The following SCHIP1 variants were observed in gnomAD, a reference collection of about 807,000 sequenced individuals.
SCHIP1 encodes schwannomin interacting protein 1, also known as schwannomin-interacting protein 1.
A neutral mutation model predicts 29.7 loss-of-function variants in SCHIP1; 8 were observed. That is an observed-to-expected ratio of 0.27 (90% CI 0.16 to 0.49). SCHIP1 has a LOEUF of 0.49. SCHIP1 is among the 20% of genes least tolerant of loss of function. The probability of loss-of-function intolerance (pLI) is 0.99; values close to 1 mark genes in which losing one functional copy is unlikely to be tolerated. For missense variants in SCHIP1, 193 were observed against 294.6 expected (o/e 0.66, Z 2.52); for synonymous variants, 76 against 94.9 (o/e 0.80, Z 1.16).
chr3:159,283,364 G>T, the SCHIP1 span, among the ~76,000 whole-genome samples: 1 of 152,098 alleles, frequency 6.6e-6, no homozygotes, highest in African/African-American at 2.4e-5. Context: ...TGTTGGCCAG[G>T]CTGGTCTCGA....
chr3:159,757,851 C>T, the SCHIP1 span, among the ~76,000 whole-genome samples: 9 of 152,158 alleles, frequency 5.9e-5, no homozygotes, highest in African/African-American at 1.9e-4. Flanking sequence ...TATTTTCTGA[C>T]GTTATAAGGT....
chr3:159,510,695 C>A, the SCHIP1 span, among the ~76,000 whole-genome samples: 126 of 152,306 alleles, frequency 8.3e-4, no homozygotes, highest in African/African-American at 2.7e-3. Flanking sequence ...CAGTCAGGAC[C>A]CTCAGCTGCA....
chr3:159,875,964 T>G (rs1004290083), intron 2 of SCHIP1, among the ~76,000 whole-genome samples: 2 of 152,104 alleles, frequency 1.3e-5, no homozygotes, highest in African/African-American at 4.8e-5. Context: ...TGAAAGAGAT[T>G]TCTGATGAGA....
chr3:159,828,418 C>CGT, the SCHIP1 span, among the ~76,000 whole-genome samples: 1 of 46,592 alleles, frequency 2.1e-5, no homozygotes, highest in South Asian at 6.9e-4. Context: ...CGTATATATA[C>CGT]GTATATATAT....
the SCHIP1 span, among the ~76,000 whole-genome samples, chr3:159,474,407 G>C: frequency 6.6e-6 from 1 of 152,072 alleles, no homozygotes; most frequent in Non-Finnish European, 1.5e-5. Context: ...TTCTAAAATG[G>C]TGTGCCAAAA....
chr3:159,385,532 G>A, the SCHIP1 span, among the ~76,000 whole-genome samples: 2 of 151,058 alleles, frequency 1.3e-5, no homozygotes, highest in Non-Finnish European at 2.9e-5. Context: ...ACTTCAGCCT[G>A]GGAGATAGAT....
chr3:159,384,927 T>C, the SCHIP1 span, among the ~76,000 whole-genome samples: 1 of 152,166 alleles, frequency 6.6e-6, no homozygotes, highest in African/African-American at 2.4e-5. Flanking sequence ...CTGATGGTAG[T>C]TTTTGTATTT....
At chr3:159,634,660 C>T in the SCHIP1 span, among the ~76,000 whole-genome samples, 1 of 152,180 alleles carries the variant, frequency 6.6e-6, no homozygotes. Context: ...CTGTGTGTGG[C>T]TGATGGGAAT....
At chr3:159,288,511 G>T in the SCHIP1 span, among the ~76,000 whole-genome samples, 1 of 152,144 alleles carries the variant, frequency 6.6e-6, no homozygotes, top group African/African-American at 2.4e-5. Flanking sequence ...GCCGGGGCGG[G>T]CGGATCATCT....
At chr3:159,740,771 GAA>G in the SCHIP1 span, among the ~76,000 whole-genome samples, 8 of 104,882 alleles carry the variant, frequency 7.6e-5, no homozygotes, top group African/African-American at 2.2e-4. Flanking sequence ...CAAAAAAAAA[GAA>G]AAAAAAAAAA....
chr3:159,517,288 G>A, the SCHIP1 span, among the ~76,000 whole-genome samples: 1 of 152,124 alleles, frequency 6.6e-6, no homozygotes, highest in Non-Finnish European at 1.5e-5. Context: ...AAAAGAGTTG[G>A]CAAACTTAAA....
chr3:159,398,316 A>G, the SCHIP1 span, among the ~76,000 whole-genome samples: 4,108 of 152,186 alleles, frequency 0.027, 71 homozygotes, highest in East Asian at 0.11. Context: ...GCTGTAGGCC[A>G]GAGCTGTTCC....
the SCHIP1 span, among the ~76,000 whole-genome samples, chr3:159,568,933 G>C: frequency 6.6e-6 from 1 of 152,102 alleles, no homozygotes; most frequent in Non-Finnish European, 1.5e-5. Flanking sequence ...TCTTTCTAGT[G>C]AAGTGAGACT....
chr3:159,479,138 A>T, the SCHIP1 span, among the ~76,000 whole-genome samples: 6 of 152,190 alleles, frequency 3.9e-5, no homozygotes, highest in African/African-American at 1.2e-4. Flanking sequence ...GAAAAATAGA[A>T]TGCCAAATTT....
At chr3:159,844,941 C>G (rs1711576597) in intron 1 of SCHIP1, among the ~76,000 whole-genome samples, 1 of 152,196 alleles carries the variant, frequency 6.6e-6, no homozygotes, top group African/African-American at 2.4e-5. Flanking sequence ...TTTTTCCTCC[C>G]TTGGGAGCAT....
chr3:159,676,223 A>C, the SCHIP1 span, among the ~76,000 whole-genome samples: 1 of 152,200 alleles, frequency 6.6e-6, no homozygotes, highest in Admixed American at 6.5e-5. Context: ...AGTTCTTTTC[A>C]AAAATATTCT....
At chr3:159,678,681 C>T in the SCHIP1 span, among the ~76,000 whole-genome samples, 3 of 152,158 alleles carry the variant, frequency 2.0e-5, no homozygotes, top group Admixed American at 1.3e-4. Flanking sequence ...TGTATTAGTC[C>T]ATTCTCACAC....
At chr3:159,274,871 A>T in the SCHIP1 span, 2 of 619,778 alleles carry the variant, frequency 3.2e-6, no homozygotes, top group South Asian at 1.4e-4. Context: ...GTATTATAAA[A>T]TTTATTTCCT....
At chr3:159,841,343 T>C (rs1342852354) in intron 1 of SCHIP1, among the ~76,000 whole-genome samples, 1 of 152,214 alleles carries the variant, frequency 6.6e-6, no homozygotes, top group Non-Finnish European at 1.5e-5. Context: ...CATTTTATGG[T>C]ACATTTAGGG....
Sources: gnomAD v4.1 joint callset for allele counts (sites outside exome capture counted in the v4.1 genomes callset) on GRCh38, gnomAD v4.1.1 for gene constraint, MANE v1.5 for transcripts, NCBI Gene and HGNC (gene_info 2026-07-23, HGNC 2026-07-21) for gene names.